The following TVP23A variants were observed in gnomAD, a reference collection of about 807,000 sequenced individuals.
TVP23A encodes the protein trans-golgi network vesicle protein 23 homolog A.
Under a neutral mutation model 31.7 loss-of-function variants are expected in TVP23A, and 21 were observed. The ratio of observed to expected loss-of-function variants is 0.66; its 90% confidence interval spans 0.47 to 0.95. The LOEUF (loss-of-function observed/expected upper bound fraction) is 0.95. Among genes scored for constraint, TVP23A ranks in the 40% least tolerant of loss-of-function variants. TVP23A has a pLI of 0.00. For missense variants in TVP23A, 279 were observed against 255.6 expected (o/e 1.09, Z -0.62); for synonymous variants, 104 against 96.0 (o/e 1.08, Z -0.49).
At chr16:10,817,466 A>G (rs2034494899) in intron 2 of TVP23A, among the ~76,000 whole-genome samples, 1 of 152,204 alleles carries the variant, frequency 6.6e-6, no homozygotes, top group Admixed American at 6.5e-5. Flanking sequence ...AACCACGTTC[A>G]CAGGTCATCC....
At chr16:10,810,847 T>G (rs1026205117) in intron 2 of TVP23A, among the ~76,000 whole-genome samples, 1 of 152,106 alleles carries the variant, frequency 6.6e-6, no homozygotes, top group Non-Finnish European at 1.5e-5. Context: ...CGGGCTAGGA[T>G]GGGTTTTATG....
At chr16:10,803,826 A>T (rs193119511) in intron 2 of TVP23A, among the ~76,000 whole-genome samples, 1 of 152,162 alleles carries the variant, frequency 6.6e-6, no homozygotes, top group Non-Finnish European at 1.5e-5. Context: ...CTTAGCAGTG[A>T]TGTAGATTAG....
chr16:10,802,134 A>G (rs957693469), intron 2 of TVP23A, among the ~76,000 whole-genome samples: 7 of 151,996 alleles, frequency 4.6e-5, no homozygotes, highest in African/African-American at 1.7e-4. Context: ...ACACACACAC[A>G]CAACTAGGAA....
chr16:10,800,030 T>TC (rs1555485270), intron 2 of TVP23A, among the ~76,000 whole-genome samples: 1,777 of 137,646 alleles, frequency 0.013, 50 homozygotes, highest in African/African-American at 0.052. Context: ...TTTTTTTTTT[T>TC]TCGCACTGGC....
intron 2 of TVP23A, chr16:10,808,726 A>C (rs1383271377): frequency 5.8e-6 from 2 of 344,040 alleles, no homozygotes; most frequent in South Asian, 2.2e-5. Flanking sequence ...GCAGTGAGCC[A>C]TGATTACACC....
intron 2 of TVP23A, among the ~76,000 whole-genome samples, chr16:10,791,937 G>T (rs1201870250): frequency 6.6e-6 from 1 of 152,216 alleles, no homozygotes; most frequent in East Asian, 1.9e-4. Context: ...TGTACAGTAA[G>T]AAGCAAACAA....
chr16:10,761,309 A>G, exon 9 of TVP23A: 1 of 1,530,334 alleles, frequency 6.5e-7, no homozygotes, highest in Non-Finnish European at 9.0e-7. Context: ...GGTTGCACAG[A>G]CATTCCCTTT....
rs541629866 is a variant in TVP23A, at chr16:10,775,388, G to A, written c.90-292C>T. 8 of 1,179,412 alleles carry A rather than the reference G, an allele frequency of 6.8e-6. No homozygotes were observed. The African/African-American group carries it at 1.1e-4, about 16-fold the overall frequency. 73.1% of individuals were successfully genotyped at this position (1,179,412 alleles called of 1,614,324 possible). On this transcript the variant is annotated intron_variant, in intron 2 of 7. Coordinates refer to ENST00000299866, the MANE Select transcript of TVP23A (RefSeq NM_001079512.4). ...CCCTCTTCGAAACACGGTCATCTTT[G>A]AAGTGAAACGTGACAGCAGTCACTG...
chr16:10,763,166 G>A (rs74342594), downstream of TVP23A, among the ~76,000 whole-genome samples: 2 of 152,268 alleles, frequency 1.3e-5, no homozygotes, highest in East Asian at 3.9e-4. Flanking sequence ...CCTCTGGGGT[G>A]CTGCGGCTAA....
intron 2 of TVP23A, among the ~76,000 whole-genome samples, chr16:10,814,738 A>T (rs2034360315): frequency 6.6e-6 from 1 of 152,232 alleles, no homozygotes; most frequent in Non-Finnish European, 1.5e-5. Context: ...CGCCCTGGCC[A>T]CATTTCAGAC....
intron 2 of TVP23A, among the ~76,000 whole-genome samples, chr16:10,806,069 C>T (rs2033928300): frequency 6.6e-6 from 1 of 152,164 alleles, no homozygotes; most frequent in African/African-American, 2.4e-5. Flanking sequence ...CGGCCGGATG[C>T]GGTGGCTCAC....
intron 2 of TVP23A, among the ~76,000 whole-genome samples, chr16:10,801,988 C>G (rs1386698494): frequency 6.6e-6 from 1 of 151,888 alleles, no homozygotes; most frequent in Non-Finnish European, 1.5e-5. Context: ...ATAGCAAGAT[C>G]TTGTTTCTAC....
chr16:10,795,784 T>A (rs1489212960), intron 2 of TVP23A, among the ~76,000 whole-genome samples: 1 of 152,030 alleles, frequency 6.6e-6, no homozygotes, highest in Non-Finnish European at 1.5e-5. Flanking sequence ...CCTGTCACAA[T>A]CCCTGAAGAA....
intron 4 of TVP23A, 128 bp downstream of exon 4, chr16:10,773,911 G>T: frequency 1.4e-6 from 1 of 732,080 alleles, no homozygotes. Flanking sequence ...TTTCACCAGA[G>T]CACCTTGGCA....
Position 10,816,925 on chromosome 16 carries a change from TCACACACACA to T in TVP23A, c.89+1168_89+1177del, listed in dbSNP as rs58142989. On this transcript the variant is annotated intron_variant, in intron 2 of 7. Transcript: ENST00000299866. ...AAAAAGAAAGAGGCACAGGGAAACTTCACACACACACACACACACACACACACACACACAC... is the reference window on the plus strand; with the variant it reads ...AAAAAGAAAGAGGCACAGGGAAACTTCACACACACACACACACACACACAC... Among the ~76,000 whole-genome samples, 1,319 of 145,906 alleles carry T rather than the reference TCACACACACA, an allele frequency of 9.0e-3. 21 individuals are homozygous for T. The highest frequency in any genetic ancestry group is 0.031 in the African/African-American group (1,213 of 39,398).
At chr16:10,803,299 GACA>G (rs2033798060) in intron 2 of TVP23A, among the ~76,000 whole-genome samples, 1 of 149,924 alleles carries the variant, frequency 6.7e-6, no homozygotes, top group Non-Finnish European at 1.5e-5. Context: ...GAGTCTGGGC[GACA>G]GAGCAAGACT....
intron 2 of TVP23A, among the ~76,000 whole-genome samples, chr16:10,806,694 G>A (rs564278236): frequency 6.6e-6 from 1 of 152,150 alleles, no homozygotes; most frequent in East Asian, 1.9e-4. Flanking sequence ...TAGAGACAGG[G>A]TTTCACCATG....
In TVP23A at chr16:10,774,939, G is replaced by GA; in HGVS notation, c.234+12dup. On this transcript the variant is annotated intron_variant, in intron 3 of 7. Transcript: ENST00000299866. ...TGTTTCGGAAGTGATGACATCACAC[G>GA]AAAGGGCCTCACCTTCACAGACCAG... 6.2e-7 allele frequency: 1 copy of GA among 1,610,614 alleles called. No homozygotes were observed. The highest frequency in any genetic ancestry group is 8.5e-7 in the Non-Finnish European group (1 of 1,177,858).
At chr16:10,815,934 G>A (rs1364815040) in intron 2 of TVP23A, among the ~76,000 whole-genome samples, 1 of 149,430 alleles carries the variant, frequency 6.7e-6, no homozygotes, top group Non-Finnish European at 1.5e-5. Context: ...AAAATATCCA[G>A]GTCCTGGATG....
Sources: allele counts gnomAD v4.1 joint callset (sites outside exome capture counted in the v4.1 genomes callset), GRCh38; gene constraint gnomAD v4.1.1; transcripts MANE v1.5; gene names NCBI Gene and HGNC (gene_info 2026-07-23, HGNC 2026-07-21).